Variants in GRIK4 observed in about 807,000 individuals in gnomAD.
The protein encoded by GRIK4 is glutamate ionotropic receptor kainate type subunit 4, also known as glutamate receptor ionotropic, kainate 4.
GRIK4 carries 40 observed loss-of-function variants against 104.9 expected under a neutral mutation model. That is an observed-to-expected ratio of 0.38 (90% CI 0.30 to 0.50). The LOEUF (loss-of-function observed/expected upper bound fraction) is 0.50. Among genes scored for constraint, GRIK4 ranks in the 20% least tolerant of loss-of-function variants. The pLI is 0.93. For synonymous variants in GRIK4, 485 were observed against 524.9 expected (o/e 0.92, Z 1.04); for missense variants, 1,047 against 1,308.1 (o/e 0.80, Z 3.08).
intron 3 of GRIK4, among the ~76,000 whole-genome samples, chr11:120,758,845 A>T (rs1200939477): frequency 6.6e-6 from 1 of 152,186 alleles, no homozygotes; most frequent in Non-Finnish European, 1.5e-5. Flanking sequence ...TCCGTGAAAC[A>T]TAGTCTGGGA....
At chr11:120,778,792 G>A (rs369805865) in intron 3 of GRIK4, among the ~76,000 whole-genome samples, 4 of 152,202 alleles carry the variant, frequency 2.6e-5, no homozygotes, top group African/African-American at 4.8e-5. Flanking sequence ...AGCTCTTTCT[G>A]CATTCTTAGA....
intron 1 of GRIK4, among the ~76,000 whole-genome samples, chr11:120,605,440 A>G (rs186790136): frequency 6.6e-6 from 1 of 152,316 alleles, no homozygotes; most frequent in Non-Finnish European, 1.5e-5. Flanking sequence ...TAAGACAAAT[A>G]CTACTTACAG....
chr11:120,566,790 A>T (rs1416027883), intron 1 of GRIK4, among the ~76,000 whole-genome samples: 1 of 144,102 alleles, frequency 6.9e-6, no homozygotes, highest in African/African-American at 2.6e-5. Flanking sequence ...TGCAAGCTCC[A>T]CCTCCCGGGT....
chr11:120,665,060 C>T (rs1032930114), intron 3 of GRIK4, among the ~76,000 whole-genome samples: 10 of 151,634 alleles, frequency 6.6e-5, no homozygotes, highest in African/African-American at 9.7e-5. Context: ...CAATTCTGTA[C>T]GGAGAATGTT....
rs547349786 is a variant in GRIK4, at chr11:120,689,913, C to T, written c.82+29513C>T. On this transcript the variant is annotated intron_variant, in intron 3 of 20. Coordinates refer to ENST00000527524, the MANE Select transcript of GRIK4 (RefSeq NM_014619.5). ...AGCTCCTTTGGTGCCTTGTGCATTC[C>T]TGGTGCTCGATAAATATTTATTGAT... Among the ~76,000 whole-genome samples, 612 of 152,322 alleles carry T rather than the reference C, an allele frequency of 4.0e-3. 5 individuals are homozygous for T. Among genetic ancestry groups the T allele is most frequent in the African/African-American group, 0.014 (582 of 41,568 alleles).
chr11:120,668,139 A>ATAAG (rs1565284181), intron 3 of GRIK4, among the ~76,000 whole-genome samples: 3 of 150,336 alleles, frequency 2.0e-5, no homozygotes, highest in African/African-American at 4.9e-5. Flanking sequence ...AGATAGATAG[A>ATAAG]TAGATAGATA....
At chr11:120,954,162 A>G (rs1944078114) in intron 15 of GRIK4, among the ~76,000 whole-genome samples, 2 of 152,048 alleles carry the variant, frequency 1.3e-5, no homozygotes, top group Non-Finnish European at 2.9e-5. Flanking sequence ...CACTTCCCAG[A>G]CTGCCAGAGA....
chr11:120,818,243 G>A (rs1249995172), intron 5 of GRIK4, among the ~76,000 whole-genome samples: 11 of 152,202 alleles, frequency 7.2e-5, no homozygotes, highest in East Asian at 1.9e-4. Context: ...ACACAGGGAC[G>A]ACCTTGGTCA....
intron 1 of GRIK4, among the ~76,000 whole-genome samples, chr11:120,570,073 CTGTTGGT>C (rs1948377823): frequency 1.3e-5 from 2 of 152,234 alleles, no homozygotes; most frequent in East Asian, 3.9e-4. Flanking sequence ...GGAGCCCCTC[CTGTTGGT>C]GGCAACAATA....
At chr11:120,930,448 G>T (rs941310941) in intron 13 of GRIK4, among the ~76,000 whole-genome samples, 6 of 152,182 alleles carry the variant, frequency 3.9e-5, no homozygotes, top group African/African-American at 1.4e-4. Flanking sequence ...GCTCCATGGA[G>T]GTGGGAACTA....
Position 120,587,029 on chromosome 11 carries a change from A to G in GRIK4, c.-158-66656A>G, listed in dbSNP as rs1321272563. Among the ~76,000 whole-genome samples the G allele has an allele frequency of 8.5e-5, 13 of 152,222 alleles. No individual in the cohort carries two copies. In the East Asian group the frequency reaches 2.3e-3, roughly 27 times the overall value. On this transcript the variant is annotated intron_variant, in intron 1 of 20. Transcript: ENST00000527524. ...GCTTTGTAATAACAGTAGGAGTTAG[A>G]GAGGCATTTTTATTGATTAAACAAT...
chr11:120,799,128 A>G (rs964822289), intron 3 of GRIK4, among the ~76,000 whole-genome samples: 2 of 152,222 alleles, frequency 1.3e-5, no homozygotes, highest in African/African-American at 4.8e-5. Flanking sequence ...CCCAGTCCCC[A>G]GGCCCACAGG....
At chr11:120,597,945 G>A (rs1948827300) in intron 1 of GRIK4, among the ~76,000 whole-genome samples, 1 of 152,096 alleles carries the variant, frequency 6.6e-6, no homozygotes, top group South Asian at 2.1e-4. Context: ...CATGTTTTCT[G>A]CATTTTACTT....
intron 14 of GRIK4, among the ~76,000 whole-genome samples, chr11:120,943,152 C>CACACACACA (rs1413495598): frequency 0.1 from 9,770 of 94,994 alleles, 571 homozygotes; most frequent in Middle Eastern, 0.13. Flanking sequence ...ACACACACAC[C>CACACACACA]CCCCTGACTG....
At chr11:120,589,676 G>A (rs929786143) in intron 1 of GRIK4, among the ~76,000 whole-genome samples, 4 of 152,090 alleles carry the variant, frequency 2.6e-5, no homozygotes, top group Non-Finnish European at 5.9e-5. Flanking sequence ...AAAGCAAAGC[G>A]TAACCCTCCC....
Position 120,513,951 on chromosome 11 carries a change from G to A in GRIK4, c.-159+2064G>A, listed in dbSNP as rs1947691844. Reference sequence around the variant, plus strand: ...TTCCACTTTGGTTTTCCCTTAGGATGGAGAGGGAACTTTAGTACCGGGAGA... The same window carrying A: ...TTCCACTTTGGTTTTCCCTTAGGATAGAGAGGGAACTTTAGTACCGGGAGA... On this transcript the variant is annotated intron_variant, in intron 1 of 20. Transcript: ENST00000527524. This position sits in a 1 kb window ranked among gnomAD's most constrained non-coding sequence, Gnocchi z 4.5. Among the ~76,000 whole-genome samples, 1 of 152,186 alleles carries A rather than the reference G, an allele frequency of 6.6e-6. No homozygotes were observed. The highest frequency in any genetic ancestry group is 1.5e-5 in the Non-Finnish European group (1 of 68,036).
intron 8 of GRIK4, among the ~76,000 whole-genome samples, chr11:120,856,019 G>T (rs1954096737): frequency 1.3e-5 from 2 of 152,264 alleles, no homozygotes; most frequent in African/African-American, 4.8e-5. Flanking sequence ...GGAAAAGGAA[G>T]GAGATTGGGG....
At chr11:120,736,933 C>T (rs1292346001) in intron 3 of GRIK4, among the ~76,000 whole-genome samples, 2 of 152,098 alleles carry the variant, frequency 1.3e-5, no homozygotes, top group Non-Finnish European at 2.9e-5. Context: ...GATCCCAGGT[C>T]TGGGCAGAAG....
chr11:120,898,449 C>A, intron 11 of GRIK4, 83 bp from the exon 12 acceptor site: 1 of 776,520 alleles, frequency 1.3e-6, no homozygotes, highest in Non-Finnish European at 2.3e-6. Context: ...TGCAGCCCAG[C>A]CAGAGGCAGA....
Sources: gnomAD v4.1 joint callset for allele counts (sites outside exome capture counted in the v4.1 genomes callset) on GRCh38, gnomAD v4.1.1 for gene constraint, Gnocchi (gnomAD v3.1) non-coding constraint, MANE v1.5 for transcripts, NCBI Gene and HGNC (gene_info 2026-07-23, HGNC 2026-07-21) for gene names.